Variants in FARS2 observed in about 807,000 individuals in gnomAD.
The protein encoded by FARS2 is phenylalanine--tRNA ligase, mitochondrial.
Under a neutral mutation model 46.4 loss-of-function variants are expected in FARS2, and 40 were observed. The ratio of observed to expected loss-of-function variants is 0.86; its 90% CI spans 0.67 to 1.12. The LOEUF (loss-of-function observed/expected upper bound fraction) is 1.12. Ranked by LOEUF, FARS2 falls within the 50% of genes most tolerant of loss-of-function variation. The pLI is 0.00. For missense variants in FARS2, 513 were observed against 567.9 expected (o/e 0.90, Z 0.98); for synonymous variants, 234 against 214.9 (o/e 1.09, Z -0.78).
At chr6:5,445,968 G>C (rs960053434) in intron 4 of FARS2, among the ~76,000 whole-genome samples, 4 of 152,180 alleles carry the variant, frequency 2.6e-5, no homozygotes, top group African/African-American at 9.7e-5. Flanking sequence ...GGGAGGCCGA[G>C]GCAGGCAGAT....
intron 6 of FARS2, among the ~76,000 whole-genome samples, chr6:5,716,877 G>A (rs1759526435): frequency 6.6e-6 from 1 of 152,242 alleles, no homozygotes; most frequent in Non-Finnish European, 1.5e-5. Flanking sequence ...ACCTCCACAT[G>A]CTCAGCTATC....
intron 4 of FARS2, among the ~76,000 whole-genome samples, chr6:5,533,944 A>G (rs1770022709): frequency 6.6e-6 from 1 of 152,258 alleles, no homozygotes; most frequent in African/African-American, 2.4e-5. Flanking sequence ...ATTATTCTGC[A>G]GTAGTTTGTA....
chr6:5,742,882 CCAGGAAATGGGTTCT>C (rs1208617353), intron 6 of FARS2, among the ~76,000 whole-genome samples: 3 of 151,886 alleles, frequency 2.0e-5, no homozygotes, highest in Admixed American at 6.6e-5. Context: ...CACAGCCCTG[CCAGGAAATGGGTTCT>C]CAGGAAATGG....
chr6:5,712,518 T>C (rs6917063), intron 6 of FARS2, among the ~76,000 whole-genome samples: 2,972 of 152,342 alleles, frequency 0.02, 101 homozygotes, highest in African/African-American at 0.067. Flanking sequence ...GTTCACCTGC[T>C]GTTCACTTTC....
the FARS2 span, among the ~76,000 whole-genome samples, chr6:5,254,390 C>T: frequency 1.7e-4 from 26 of 152,288 alleles, no homozygotes; most frequent in African/African-American, 4.6e-4. Context: ...CGGATTTTTA[C>T]GCCACAGGAA....
intron 1 of FARS2, among the ~76,000 whole-genome samples, chr6:5,290,498 A>T (rs1162339613): frequency 6.6e-6 from 1 of 152,236 alleles, no homozygotes; most frequent in Non-Finnish European, 1.5e-5. Context: ...GTTAGAAAAC[A>T]AGACAGCCTA....
chr6:5,325,014 G>A (rs567860541), intron 1 of FARS2, among the ~76,000 whole-genome samples: 1 of 152,336 alleles, frequency 6.6e-6, no homozygotes, highest in South Asian at 2.1e-4. Flanking sequence ...CATGGTGGCA[G>A]ATTTTGAGAA....
At chr6:5,507,015 T>C (rs531730448) in intron 4 of FARS2, among the ~76,000 whole-genome samples, 18 of 152,210 alleles carry the variant, frequency 1.2e-4, no homozygotes, top group Non-Finnish European at 2.2e-4. Flanking sequence ...CACATTTGAG[T>C]GCATGCACAC....
chr6:5,328,039 G>T (rs1770522486), intron 1 of FARS2, among the ~76,000 whole-genome samples: 1 of 152,164 alleles, frequency 6.6e-6, no homozygotes, highest in Non-Finnish European at 1.5e-5. Flanking sequence ...AAGACCGGTT[G>T]TCAAACAGTA....
chr6:5,454,815 C>T (rs1392919223), intron 4 of FARS2, among the ~76,000 whole-genome samples: 2 of 152,198 alleles, frequency 1.3e-5, no homozygotes, highest in Non-Finnish European at 2.9e-5. Context: ...CATGCGGACC[C>T]GCCTTCACCG....
chr6:5,474,663 G>GTTTTTTTTT (rs760857089), intron 4 of FARS2, among the ~76,000 whole-genome samples: 2 of 133,936 alleles, frequency 1.5e-5, no homozygotes, highest in Admixed American at 7.8e-5. Flanking sequence ...ATACAGTACT[G>GTTTTTTTTT]TTTTTTTTTT....
chr6:5,578,834 CA>C (rs111917443), intron 5 of FARS2, among the ~76,000 whole-genome samples: 109,893 of 140,650 alleles, frequency 0.78, 42,457 homozygotes, highest in East Asian at 0.87. Flanking sequence ...AAAAAAAAAA[CA>C]AAAAAAAAAG....
rs115649690 is a variant in FARS2 at position 5,413,478 on chromosome 6, C to T, written c.772+8777C>T. On this transcript the variant is annotated intron_variant, in intron 3 of 6. Transcript: ENST00000274680. ...GGTTGGTATACAGGTGACCTAGAAA[C>T]CATTAAGATTTAGGGAGAGAGGGAA... Among the ~76,000 whole-genome samples the T allele has an allele frequency of 5.1e-3, 776 of 152,158 alleles. 5 individuals carry two copies. The highest frequency in any genetic ancestry group is 0.018 in the African/African-American group (748 of 41,498).
chr6:5,639,511 T>C (rs1776704927), intron 6 of FARS2, among the ~76,000 whole-genome samples: 1 of 152,202 alleles, frequency 6.6e-6, no homozygotes, highest in African/African-American at 2.4e-5. Flanking sequence ...GAATGAGAAG[T>C]AGATTTCTCT....
intron 5 of FARS2, among the ~76,000 whole-genome samples, chr6:5,580,818 A>G (rs1773288780): frequency 6.6e-6 from 1 of 152,192 alleles, no homozygotes. Flanking sequence ...CACATTGGAT[A>G]CTGGTTCCTA....
intron 5 of FARS2, among the ~76,000 whole-genome samples, chr6:5,588,791 C>T (rs148213566): frequency 2.7e-3 from 407 of 152,306 alleles, no homozygotes; most frequent in Middle Eastern, 0.01. Context: ...GGGGATCCAA[C>T]TGCCTCATCT....
At chr6:5,725,795 G>T (rs567462743) in intron 6 of FARS2, among the ~76,000 whole-genome samples, 1 of 152,196 alleles carries the variant, frequency 6.6e-6, no homozygotes, top group East Asian at 1.9e-4. Context: ...AATTAGCTGG[G>T]CGTGGCGCGC....
At chr6:5,539,405 TA>T (rs1484945938) in intron 4 of FARS2, among the ~76,000 whole-genome samples, 2 of 145,884 alleles carry the variant, frequency 1.4e-5, no homozygotes, top group African/African-American at 2.6e-5. Context: ...TATATGTATA[TA>T]TTTTTTTAGT....
rs539882495 is a variant in FARS2, at chr6:5,325,626, C to T, written c.-21-42924C>T. Among the ~76,000 whole-genome samples the T allele has an allele frequency of 6.6e-5, 10 of 152,326 alleles. No homozygotes were observed. In the East Asian group the frequency reaches 1.9e-3, roughly 29 times the overall value. ...CCTAAACAAGTCTCAGGTAGAATTA[C>T]TTGCATCCATTATCAAGCTAGCCAT... On this transcript the variant is annotated intron_variant, in intron 1 of 6. Coordinates refer to ENST00000274680, the MANE Select transcript of FARS2 (RefSeq NM_006567.5).
Sources: allele counts gnomAD v4.1 joint callset (sites outside exome capture counted in the v4.1 genomes callset), GRCh38; gene constraint gnomAD v4.1.1; transcripts MANE v1.5; gene names NCBI Gene and HGNC (gene_info 2026-07-23, HGNC 2026-07-21).